Variants in DNAH8 observed in about 807,000 individuals in gnomAD.
The protein encoded by DNAH8 is dynein axonemal heavy chain 8, also known as axonemal beta dynein heavy chain 8.
A neutral mutation model predicts 562.1 loss-of-function variants in DNAH8; 382 were observed. The observed-to-expected ratio is 0.68, with a 90% confidence interval of 0.63 to 0.74. DNAH8 has a LOEUF of 0.74. DNAH8 is among the 30% of genes least tolerant of loss of function. DNAH8 has a pLI of 0.00. For synonymous variants in DNAH8, 1,881 were observed against 1,919.4 expected, an observed-to-expected ratio of 0.98 and a Z score of 0.52; for missense variants, 5,203 against 5,620.4, an observed-to-expected ratio of 0.93 and a Z score of 2.37.
In DNAH8 at chr6:38,780,823, T is replaced by G. The variant is rs145121464; in HGVS notation, c.2140-431T>G. ...TATATAACAAACAAACAAACAAACA[T>G]GTAACCCTGAACTTAAAATAAAAGT... On this transcript the variant is annotated intron_variant, in intron 15 of 92. Transcript: ENST00000327475. 2.0e-5 allele frequency among the ~76,000 whole-genome samples: 3 copies of G among 152,132 alleles called. No homozygotes were observed. The East Asian group carries it at 5.8e-4, about 29-fold the overall frequency.
chr6:38,842,862 A>T lies in DNAH8; in HGVS notation c.4804A>T (p.Ile1602Phe). ...ATCTGATTCTTTTTGCCTTAGAAATATCATGGAAGCACCACTCCTTAAACA... is the reference window on the plus strand; with the variant it reads ...ATCTGATTCTTTTTGCCTTAGAAATTTCATGGAAGCACCACTCCTTAAACA... ...VESDSFCLRN[I>F]MEAPLLKHKD... The change falls in exon 35 of 93, where the codon ATC (isoleucine) becomes TTC (phenylalanine). Residue 1602 changes from isoleucine to phenylalanine, a missense_variant. By Grantham distance (21) the Ile-to-Phe change is conservative (BLOSUM62 0). Coordinates refer to ENST00000327475, the MANE Select transcript of DNAH8 (RefSeq NM_001206927.2). 6.2e-7 allele frequency: 1 copy of T among 1,613,874 alleles called. No individual in the cohort carries two copies. The highest frequency in any genetic ancestry group is 1.7e-4 in the Middle Eastern group (1 of 6,058).
At chr6:38,755,265 G>T (rs1250709008) in intron 9 of DNAH8, among the ~76,000 whole-genome samples, 1 of 152,154 alleles carries the variant, frequency 6.6e-6, no homozygotes, top group Non-Finnish European at 1.5e-5. Flanking sequence ...GTTGTTGTCA[G>T]CATATCTTAG....
At chr6:38,909,106 C>T (rs1780691988) in intron 64 of DNAH8, among the ~76,000 whole-genome samples, 1 of 152,172 alleles carries the variant, frequency 6.6e-6, no homozygotes, top group Non-Finnish European at 1.5e-5. Context: ...AACTCAATCC[C>T]TCTTCCGTGT....
intron 29 of DNAH8, among the ~76,000 whole-genome samples, chr6:38,826,931 A>G (rs548116915): frequency 6.6e-6 from 1 of 152,342 alleles, no homozygotes; most frequent in African/African-American, 2.4e-5. Context: ...GGCTTAAAAC[A>G]ACACAGATCG....
chr6:38,911,994 T>C (rs1314473654), intron 66 of DNAH8, among the ~76,000 whole-genome samples: 3 of 152,138 alleles, frequency 2.0e-5, no homozygotes, highest in African/African-American at 7.2e-5. Flanking sequence ...AAAGGCAAAA[T>C]AGAAGCAAAA....
chr6:38,813,533 G>A (rs1000123196), intron 24 of DNAH8, among the ~76,000 whole-genome samples: 1 of 152,158 alleles, frequency 6.6e-6, no homozygotes, highest in Non-Finnish European at 1.5e-5. Flanking sequence ...TAGGGGTGGA[G>A]GTTAAGACAG....
At chr6:38,867,602 AATT>A (rs1226588273) in intron 47 of DNAH8, among the ~76,000 whole-genome samples, 1 of 151,248 alleles carries the variant, frequency 6.6e-6, no homozygotes, top group African/African-American at 2.4e-5. Flanking sequence ...AAAAAAAAAA[AATT>A]AGCCAGGCGT....
chr6:38,945,349 T>C (rs1399516333), intron 79 of DNAH8, 118 bp from the exon 80 acceptor site: 1 of 1,086,926 alleles, frequency 9.2e-7, no homozygotes, highest in Non-Finnish European at 1.3e-6. Context: ...TATTATTATT[T>C]TCCAATTTTC....
intron 24 of DNAH8, among the ~76,000 whole-genome samples, chr6:38,813,763 T>C (rs1772006486): frequency 1.3e-5 from 2 of 152,178 alleles, no homozygotes; most frequent in Non-Finnish European, 1.5e-5. Flanking sequence ...GTTGCAGGGC[T>C]GGGAACAAAG....
chr6:38,956,936 C>T (rs1485247514), intron 82 of DNAH8, among the ~76,000 whole-genome samples: 4 of 152,100 alleles, frequency 2.6e-5, no homozygotes, highest in East Asian at 1.9e-4. Context: ...TCCTTACCTA[C>T]CAACAATTAC....
chr6:38,984,831 T>C (rs1294034186), intron 87 of DNAH8, among the ~76,000 whole-genome samples: 1 of 152,092 alleles, frequency 6.6e-6, no homozygotes, highest in Non-Finnish European at 1.5e-5. Context: ...AACAATCTAC[T>C]TGTGGTGCAG....
At chr6:38,860,218 C>T (rs920543775) in intron 42 of DNAH8, among the ~76,000 whole-genome samples, 8 of 152,092 alleles carry the variant, frequency 5.3e-5, no homozygotes, top group Non-Finnish European at 1.2e-4. Context: ...GCCCTTTGTA[C>T]TTTATTGCAA....
intron 81 of DNAH8, 62 bp from the exon 82 acceptor site, chr6:38,951,256 C>T: frequency 4.2e-6 from 6 of 1,411,940 alleles, no homozygotes; most frequent in Non-Finnish European, 6.0e-6. Context: ...TTTTTACTTA[C>T]TCAGATAGGA....
rs1002174679 is a variant in DNAH8, at chr6:39,010,148, A to C, written c.13371+1178A>C. Among the ~76,000 whole-genome samples the C allele has an allele frequency of 1.4e-4, 4 of 28,480 alleles. No individual in the cohort carries two copies. In the African/African-American group the frequency reaches 2.0e-3, roughly 14 times the overall value. 18.7% of individuals were successfully genotyped at this position (28,480 alleles called of 152,430 possible). The stretch of plus-strand genomic sequence containing the variant: ...TTGTTCTGGTGATTATTCCAGCAGA[A>C]ACAGCATCAGGGGTGTAACTAAATG... On this transcript the variant is annotated intron_variant, in intron 89 of 92. Coordinates refer to ENST00000327475, the MANE Select transcript of DNAH8 (RefSeq NM_001206927.2).
chr6:38,999,886 AAATG>A (rs1765367596), intron 88 of DNAH8, among the ~76,000 whole-genome samples: 1 of 151,560 alleles, frequency 6.6e-6, no homozygotes, highest in Non-Finnish European at 1.5e-5. Context: ...TCATTATTAG[AAATG>A]AATACAAAAG....
chr6:38,761,596 C>CA lies in DNAH8; in HGVS notation c.1516-105dup, dbSNP rs1325067175. The CA allele has an allele frequency of 4.6e-6, 3 of 655,050 alleles. No homozygotes were observed. The Admixed American group carries it at 1.2e-4, about 26-fold the overall frequency. 40.6% of individuals were successfully genotyped at this position (655,050 alleles called of 1,614,324 possible). The stretch of plus-strand genomic sequence containing the variant: ...CAGGCATGAGCCACTGCACTTGGCC[C>CA]ATAGGTTTATTCTTTATCATATTTT... On this transcript the variant is annotated intron_variant, in intron 10 of 92. Transcript: ENST00000327475.
intron 61 of DNAH8, 152 bp from the exon 62 acceptor site, chr6:38,899,624 T>C (rs1356139585): frequency 2.6e-6 from 2 of 768,104 alleles, no homozygotes; most frequent in African/African-American, 3.5e-5. Flanking sequence ...AGTATTAAAC[T>C]TTAATTTTAA....
At chr6:38,978,048 C>A (rs893415982) in intron 85 of DNAH8, among the ~76,000 whole-genome samples, 1 of 152,258 alleles carries the variant, frequency 6.6e-6, no homozygotes, top group Admixed American at 6.5e-5. Context: ...ACATCCATTT[C>A]ATAGTCTGGA....
rs375894977 is a variant in DNAH8, at chr6:39,008,922, A to G, written c.13323A>G (p.Leu4441=). ...CCCGGGAGGCTATTGTTTATAGATT[A>G]TCTGAAGATATGCTGAGTAAACTCC... ...GETREAIVYR[L]SEDMLSKLPP... is the part of the protein sequence containing the mutation. The change falls in exon 89 of 93, where the codon TTA becomes TTG. Residue 4441 remains leucine, a synonymous_variant. Transcript: ENST00000327475. 1.9e-6 allele frequency: 3 copies of G among 1,611,272 alleles called. No homozygotes were observed. The highest frequency in any genetic ancestry group is 1.7e-5 in the Admixed American group (1 of 59,944).
Sources: allele counts gnomAD v4.1 joint callset (sites outside exome capture counted in the v4.1 genomes callset), GRCh38; gene constraint gnomAD v4.1.1; transcripts MANE v1.5; gene names NCBI Gene and HGNC (gene_info 2026-07-23, HGNC 2026-07-21).